Variants in HP1BP3 observed in about 807,000 individuals in gnomAD.
HP1BP3 encodes the protein heterochromatin protein 1-binding protein 3.
In HP1BP3, 12 loss-of-function variants were observed where a neutral mutation model predicts 62.5. That is an observed-to-expected ratio of 0.19 (90% CI 0.12 to 0.31). HP1BP3 has a LOEUF of 0.31. HP1BP3 is among the 10% of genes least tolerant of loss of function. HP1BP3 has a pLI of 1.00. For missense variants in HP1BP3, 502 were observed against 651.8 expected, an observed-to-expected ratio of 0.77 and a Z score of 2.50; for synonymous variants, 260 against 237.8, an observed-to-expected ratio of 1.09 and a Z score of -0.86.
chr1:20,763,318 CCTA>C (rs1162581188), intron 8 of HP1BP3, among the ~76,000 whole-genome samples: 2 of 152,164 alleles, frequency 1.3e-5, no homozygotes, highest in Non-Finnish European at 1.5e-5. Context: ...ATTGTGTCTG[CCTA>C]CTACCACTAT....
Position 20,745,101 on chromosome 1 carries a change from C to T in HP1BP3, c.1368-10G>A. Reference sequence around the variant, plus strand: ...GGTTTTCTTCTGCAACCTGTGAGAACCAAAGAGCAAAGGCCGTCATTTAGT... The same window carrying T: ...GGTTTTCTTCTGCAACCTGTGAGAATCAAAGAGCAAAGGCCGTCATTTAGT... On this transcript the variant is annotated splice_polypyrimidine_tract_variant and intron_variant, in intron 12 of 12. Coordinates refer to ENST00000438032, the MANE Select transcript of HP1BP3 (RefSeq NM_001372052.1). 5.6e-6 allele frequency: 9 copies of T among 1,596,962 alleles called. No homozygotes were observed. Among genetic ancestry groups the T allele is most frequent in the Non-Finnish European group, 7.7e-6 (9 of 1,174,248 alleles).
At position 20,780,461 on chromosome 1, in the gene HP1BP3, G is replaced by A. The variant is rs371014265; in HGVS notation, c.-21C>T. Reference sequence around the variant, plus strand: ...GCCATTTTAAATAATTTCTAGGCCCGAGTACAGGTTACACTCTGAAGCCTC... The same window carrying A: ...GCCATTTTAAATAATTTCTAGGCCCAAGTACAGGTTACACTCTGAAGCCTC... On this transcript the variant is annotated 5_prime_UTR_variant, in exon 2 of 13. Transcript: ENST00000438032. 8 of 1,535,086 alleles carry A rather than the reference G, an allele frequency of 5.2e-6. No individual in the cohort carries two copies. Among genetic ancestry groups the A allele is most frequent in the South Asian group, 2.2e-5 (2 of 89,428 alleles).
intron 8 of HP1BP3, among the ~76,000 whole-genome samples, chr1:20,761,811 T>C (rs1209090929): frequency 6.6e-6 from 1 of 151,934 alleles, no homozygotes; most frequent in Non-Finnish European, 1.5e-5. Flanking sequence ...AAACGAAGGG[T>C]AAAAAGGTTA....
chr1:20,751,726 AAATAAAT>A (rs1453773901), intron 9 of HP1BP3, among the ~76,000 whole-genome samples: 1 of 151,654 alleles, frequency 6.6e-6, no homozygotes, highest in African/African-American at 2.4e-5. Flanking sequence ...CTGTCTCTAA[AAATAAAT>A]AATAAACTAA....
At chr1:20,772,224 A>G (rs1423240561) in intron 5 of HP1BP3, among the ~76,000 whole-genome samples, 2 of 152,272 alleles carry the variant, frequency 1.3e-5, no homozygotes, top group Non-Finnish European at 2.9e-5. Flanking sequence ...GTCTGAAACA[A>G]TAATTTGTCA....
At chr1:20,779,100 A>G (rs1378085209) in intron 3 of HP1BP3, among the ~76,000 whole-genome samples, 2 of 152,052 alleles carry the variant, frequency 1.3e-5, no homozygotes, top group Non-Finnish European at 2.9e-5. Flanking sequence ...CTCTATTCCT[A>G]ATACATGCTG....
In HP1BP3 at chr1:20,745,665, G is replaced by C. The variant is rs756797578; in HGVS notation, c.1254-9C>G. ...GAAACAGAACTCCTGGGCTATACGG[G>C]GAAAAATTAGATTAAAACACAAGTC... On this transcript the variant is annotated splice_polypyrimidine_tract_variant and intron_variant, in intron 11 of 12. Coordinates refer to ENST00000438032, the MANE Select transcript of HP1BP3 (RefSeq NM_001372052.1). 1 of 1,611,566 alleles carries C rather than the reference G, an allele frequency of 6.2e-7. No individual in the cohort carries two copies. The highest frequency in any genetic ancestry group is 8.5e-7 in the Non-Finnish European group (1 of 1,178,790).
At chr1:20,762,620 G>A (rs978824263) in intron 8 of HP1BP3, among the ~76,000 whole-genome samples, 9 of 152,084 alleles carry the variant, frequency 5.9e-5, no homozygotes, top group African/African-American at 2.2e-4. Context: ...CTTTGAAAAA[G>A]CTAATCAGAA....
intron 8 of HP1BP3, among the ~76,000 whole-genome samples, chr1:20,761,565 CA>C (rs1201249898): frequency 1.3e-5 from 2 of 151,154 alleles, no homozygotes; most frequent in Non-Finnish European, 2.9e-5. Context: ...ACATTTAAAT[CA>C]GACATCCAAG....
chr1:20,765,608 G>C (rs2056740905), intron 7 of HP1BP3, 77 bp from the exon 8 acceptor site: 5 of 1,149,222 alleles, frequency 4.4e-6, no homozygotes, highest in South Asian at 3.0e-5. Flanking sequence ...GCTTTCCTCA[G>C]TTGATTACCA....
intron 8 of HP1BP3, among the ~76,000 whole-genome samples, chr1:20,763,894 G>A (rs1443359125): frequency 6.6e-6 from 1 of 152,078 alleles, no homozygotes; most frequent in Non-Finnish European, 1.5e-5. Flanking sequence ...ACATATGTAT[G>A]CATATATCTA....
intron 2 of HP1BP3, 126 bp from the exon 3 acceptor site, chr1:20,780,037 A>G (rs2057473085): frequency 1.5e-5 from 10 of 678,778 alleles, no homozygotes; most frequent in Non-Finnish European, 2.4e-5. Flanking sequence ...TCTGATGCAA[A>G]TTACTTTTAA....
intron 6 of HP1BP3, 77 bp from the exon 7 acceptor site, chr1:20,767,741 G>A: frequency 1.2e-6 from 1 of 866,610 alleles, no homozygotes; most frequent in Non-Finnish European, 1.8e-6. Flanking sequence ...CCATGGTAAT[G>A]CAAGAGCTAA....
At chr1:20,769,494 A>T (rs554518146) in intron 6 of HP1BP3, among the ~76,000 whole-genome samples, 9 of 152,124 alleles carry the variant, frequency 5.9e-5, no homozygotes, top group African/African-American at 1.9e-4. Flanking sequence ...GCAGGTAGAG[A>T]GTGCGGTGAG....
In HP1BP3 at chr1:20,771,095, AGTT is replaced by A. The variant is rs749691030; in HGVS notation, c.511-25_511-23del. On this transcript the variant is annotated intron_variant, in intron 5 of 12. Transcript: ENST00000438032. ...ATGCCTAGAAAAGATTTATTAAACT[AGTT>A]GTTTTTTTTTATTAGATAGAGCCTG... The A allele has an allele frequency of 8.9e-6, 14 of 1,575,642 alleles. No homozygotes were observed. In the East Asian group the frequency reaches 1.4e-4, roughly 15 times the overall value.
At chr1:20,749,918 A>T in intron 9 of HP1BP3, 36 bp from the exon 10 acceptor site, 1 of 1,598,178 alleles carries the variant, frequency 6.3e-7, no homozygotes. Flanking sequence ...GCATCAAGAC[A>T]ACACTCTCCC....
intron 8 of HP1BP3, among the ~76,000 whole-genome samples, chr1:20,757,870 G>C (rs1283881477): frequency 6.6e-6 from 1 of 152,124 alleles, no homozygotes; most frequent in East Asian, 1.9e-4. Context: ...TCTTGGCCAG[G>C]CGCGGTGGCT....
rs759642393 is a variant in HP1BP3, at chr1:20,780,476, T to A, written c.-36A>T. On this transcript the variant is annotated 5_prime_UTR_variant, in exon 2 of 13. Transcript: ENST00000438032. Reference sequence around the variant, plus strand: ...TTCTAGGCCCGAGTACAGGTTACACTCTGAAGCCTCTGCTGTTAACCACAA... The same window carrying A: ...TTCTAGGCCCGAGTACAGGTTACACACTGAAGCCTCTGCTGTTAACCACAA... 5 of 1,386,826 alleles carry A rather than the reference T, an allele frequency of 3.6e-6. No individual in the cohort carries two copies. The highest frequency in any genetic ancestry group is 5.1e-6 in the Non-Finnish European group (5 of 973,162). 85.9% of individuals were successfully genotyped at this position (1,386,826 alleles called of 1,614,324 possible). A position where few individuals can be genotyped will look rare whatever the true frequency, so the allele number is the denominator to read the frequency against.
intron 1 of HP1BP3, chr1:20,786,496 G>A (rs1385549222): frequency 1.3e-5 from 2 of 152,430 alleles, no homozygotes; most frequent in Non-Finnish European, 2.9e-5. Context: ...CCGCCAGCGA[G>A]GCGGGGAAAG....
Sources: allele counts gnomAD v4.1 joint callset (sites outside exome capture counted in the v4.1 genomes callset), GRCh38; gene constraint gnomAD v4.1.1; transcripts MANE v1.5; gene names NCBI Gene and HGNC (gene_info 2026-07-23, HGNC 2026-07-21).